Variants in DISP3 observed in about 807,000 individuals in gnomAD.
DISP3 encodes the protein protein dispatched homolog 3.
In DISP3, 101 loss-of-function variants were observed where a neutral mutation model predicts 135.3. The ratio of observed to expected loss-of-function variants is 0.75; its 90% CI spans 0.64 to 0.88. DISP3 has a LOEUF of 0.88. Among genes scored for constraint, DISP3 ranks in the 40% least tolerant of loss-of-function variants. The probability of loss-of-function intolerance (pLI) is 0.00; values close to 1 mark genes in which losing one functional copy is unlikely to be tolerated. For missense variants in DISP3, 1,713 were observed against 1,878.6 expected (o/e 0.91, Z 1.63); for synonymous variants, 856 against 817.0 (o/e 1.05, Z -0.81).
chr1:11,480,677 G>GCACACACACACACACACACACACA (rs70983561), intron 1 of DISP3, among the ~76,000 whole-genome samples: 1 of 142,632 alleles, frequency 7.0e-6, no homozygotes, highest in Non-Finnish European at 1.5e-5. Flanking sequence ...GCGCGCGCGT[G>GCACACACACACACACACACACACA]CACACACACA....
At chr1:11,517,982 G>A (rs1008764447) in intron 7 of DISP3, among the ~76,000 whole-genome samples, 2 of 152,196 alleles carry the variant, frequency 1.3e-5, no homozygotes, top group African/African-American at 4.8e-5. Flanking sequence ...TCTGCTTCCA[G>A]ATCCCATGCT....
At position 11,536,884 on chromosome 1, in the gene DISP3, C is replaced by A; in HGVS notation, c.*198C>A. 1 of 754,308 alleles carries A rather than the reference C, an allele frequency of 1.3e-6. No homozygotes were observed. The highest frequency in any genetic ancestry group is 2.0e-6 in the Non-Finnish European group (1 of 491,556). 46.7% of individuals were successfully genotyped at this position (754,308 alleles called of 1,614,324 possible). On this transcript the variant is annotated 3_prime_UTR_variant, in exon 21 of 21. Transcript: ENST00000294484. The surrounding 1 kb of genome is among the most constrained non-coding windows in gnomAD (Gnocchi z 4.3). ...GCTGGGAGTTGGAGACAGCCGCCAC[C>A]CCACAGGCCGGGCTACTGGCAGCCA...
At chr1:11,486,164 T>C (rs1045961385) in intron 1 of DISP3, among the ~76,000 whole-genome samples, 1 of 152,190 alleles carries the variant, frequency 6.6e-6, no homozygotes, top group Non-Finnish European at 1.5e-5. Flanking sequence ...TCCAGATGTT[T>C]CCCCCTTTTC....
At chr1:11,485,545 T>G (rs575888610) in intron 1 of DISP3, among the ~76,000 whole-genome samples, 1 of 152,128 alleles carries the variant, frequency 6.6e-6, no homozygotes, top group East Asian at 1.9e-4. Flanking sequence ...TTGTGGCAAA[T>G]TGGTGTTCCT....
intron 1 of DISP3, among the ~76,000 whole-genome samples, chr1:11,484,302 A>T (rs1210616261): frequency 6.6e-6 from 1 of 152,172 alleles, no homozygotes; most frequent in African/African-American, 2.4e-5. Context: ...AGGCAGGTGG[A>T]GCCCAGCAGA....
At position 11,534,488 on chromosome 1, in the gene DISP3, C is replaced by A; in HGVS notation, c.3483C>A (p.Arg1161=). 6.2e-7 allele frequency: 1 copy of A among 1,614,000 alleles called. No homozygotes were observed. Among genetic ancestry groups the A allele is most frequent in the South Asian group, 1.1e-5 (1 of 91,064 alleles). Residue 1161 remains arginine (R), a synonymous_variant, in exon 18 of 21, where the codon CGC becomes CGA. Coordinates refer to ENST00000294484, the MANE Select transcript of DISP3 (RefSeq NM_020780.2). The part of the protein sequence containing the change: ...LQALPEGSVL[R]RGFQTCEHWK... Reference sequence around the variant, plus strand: ...CCTTGCCCGAGGGCTCAGTCCTGCGCCGGGGCTTCCAGACCTGCGAGCACT... The same window carrying A: ...CCTTGCCCGAGGGCTCAGTCCTGCGACGGGGCTTCCAGACCTGCGAGCACT...
rs772265810 is a variant in DISP3 at position 11,524,035 on chromosome 1, G to A, written c.2456G>A (p.Arg819Gln). ...RRGSGVPWAS[R>Q]PEATLQDFPG... The stretch of plus-strand genomic sequence containing the variant: ...GGCTCAGGGGTCCCCTGGGCTAGCC[G>A]GCCTGAGGCCACCCTGCAGGGTGAG... The change falls in exon 11 of 21, where the codon CGG (arginine) becomes CAG (glutamine). Residue 819 changes from arginine (R) to glutamine (Q), a missense_variant. By Grantham distance (43) the Arg-to-Gln change is conservative. Coordinates refer to ENST00000294484, the MANE Select transcript of DISP3 (RefSeq NM_020780.2). 37 of 1,612,528 alleles carry A rather than the reference G, an allele frequency of 2.3e-5. No individual in the cohort carries two copies. Among genetic ancestry groups the A allele is most frequent in the South Asian group, 7.7e-5 (7 of 91,050 alleles).
chr1:11,522,737 G>A (rs1642260573), intron 10 of DISP3, among the ~76,000 whole-genome samples: 1 of 134,958 alleles, frequency 7.4e-6, no homozygotes, highest in African/African-American at 2.9e-5. Context: ...GGCCCAGCCA[G>A]GGCCCAGCCA....
Position 11,526,658 on chromosome 1 carries a change from G to C in DISP3, c.2621G>C (p.Arg874Thr), listed in dbSNP as rs764687325. The change falls in exon 13 of 21, where the codon AGA (arginine) becomes ACA (threonine). Residue 874 changes from arginine to threonine, a missense_variant. Transcript: ENST00000294484. The stretch of plus-strand genomic sequence containing the variant: ...TGTCAACCCACTGCTTAGGTGTATA[G>C]AGCGCCTTTTGGTAACTTCACCAAG... ...DGEVPSFQVY[R>T]APFGNFTKKL... 8 of 1,613,832 alleles carry C rather than the reference G, an allele frequency of 5.0e-6. No homozygotes were observed. Among genetic ancestry groups the C allele is most frequent in the Non-Finnish European group, 8.5e-7 (1 of 1,179,760 alleles).
chr1:11,486,250 T>C (rs1015266042), intron 1 of DISP3, among the ~76,000 whole-genome samples: 6 of 152,136 alleles, frequency 3.9e-5, no homozygotes, highest in Non-Finnish European at 7.3e-5. Flanking sequence ...TTGAAAAGTA[T>C]TTGTTGGTTT....
chr1:11,495,492 A>G (rs992345955), intron 1 of DISP3, among the ~76,000 whole-genome samples: 5 of 152,212 alleles, frequency 3.3e-5, no homozygotes, highest in Admixed American at 6.5e-5. Context: ...GGGGCTGCCA[A>G]AAACTGCCCC....
rs755515211 is a variant in DISP3 at position 11,501,718 on chromosome 1, C to A, written c.726C>A (p.Val242=). ...YQPSIPPHAA[V]AANQSRARRG... ...CCAGCATCCCGCCCCACGCGGCAGTCGCGGCCAATCAGAGCCGTGCCCGCC... is the reference window on the plus strand; with the variant it reads ...CCAGCATCCCGCCCCACGCGGCAGTAGCGGCCAATCAGAGCCGTGCCCGCC... Residue 242 remains valine, a synonymous_variant, in exon 2 of 21, where the codon GTC becomes GTA. Coordinates refer to ENST00000294484, the MANE Select transcript of DISP3 (RefSeq NM_020780.2). This position sits in a 1 kb window ranked among gnomAD's most constrained non-coding sequence, Gnocchi z 4.9. 6.3e-7 allele frequency: 1 copy of A among 1,597,654 alleles called. No homozygotes were observed. Among genetic ancestry groups the A allele is most frequent in the Non-Finnish European group, 8.5e-7 (1 of 1,172,102 alleles).
At chr1:11,498,954 C>T (rs1011804706) in intron 1 of DISP3, among the ~76,000 whole-genome samples, 5 of 152,198 alleles carry the variant, frequency 3.3e-5, no homozygotes, top group African/African-American at 1.2e-4. Flanking sequence ...TACACTGCCT[C>T]TCCCTCCCTT....
At chr1:11,484,724 T>C (rs1387065652) in intron 1 of DISP3, among the ~76,000 whole-genome samples, 1 of 152,166 alleles carries the variant, frequency 6.6e-6, no homozygotes, top group Non-Finnish European at 1.5e-5. Flanking sequence ...GGTTATGGTG[T>C]TTCTGTATAC....
Position 11,501,546 on chromosome 1 carries a change from C to T in DISP3, c.554C>T (p.Pro185Leu), listed in dbSNP as rs760741784. 1.9e-6 allele frequency: 3 copies of T among 1,590,984 alleles called. No homozygotes were observed. The highest frequency in any genetic ancestry group is 1.3e-5 in the African/African-American group (1 of 74,384). ...GCGGCCTCACTCGGTGGCCCAGGCCCTTACCGGGACACTTCCGCGGCTCAA... is the reference window on the plus strand; with the variant it reads ...GCGGCCTCACTCGGTGGCCCAGGCCTTTACCGGGACACTTCCGCGGCTCAA... Reference protein sequence around the residue: ...IPAASLGGPGPYRDTSAAQKP... With the variant: ...IPAASLGGPGLYRDTSAAQKP... Residue 185 changes from proline to leucine, a missense_variant, in exon 2 of 21, where the codon CCT (proline) becomes CTT (leucine). Transcript: ENST00000294484. This position sits in a 1 kb window ranked among gnomAD's most constrained non-coding sequence, Gnocchi z 4.9.
rs1374891233 is a variant in DISP3 at position 11,501,031 on chromosome 1, G to A, written c.39G>A (p.Trp13Ter). ...ATGACCCCTTGCTGCAGGATGTGTGGCTAGAGGAGGAGCAGGAGGAGGAAG... is the reference window on the plus strand; with the variant it reads ...ATGACCCCTTGCTGCAGGATGTGTGACTAGAGGAGGAGCAGGAGGAGGAAG... ...TEDDPLLQDVWLEEEQEEEEA... is the reference protein window; with the variant it reads ...TEDDPLLQDV The change falls in exon 2 of 21, where the codon TGG (tryptophan) becomes TGA (stop). Residue 13 changes from tryptophan (W) to a stop codon, truncating the protein, a stop_gained. Coordinates refer to ENST00000294484, the MANE Select transcript of DISP3 (RefSeq NM_020780.2). LOFTEE classifies it high-confidence loss of function. This position sits in a 1 kb window ranked among gnomAD's most constrained non-coding sequence, Gnocchi z 4.9. 6.2e-7 allele frequency: 1 copy of A among 1,613,992 alleles called. No homozygotes were observed. Among genetic ancestry groups the A allele is most frequent in the Non-Finnish European group, 8.5e-7 (1 of 1,180,008 alleles).
chr1:11,527,509 C>T (rs12743759), intron 13 of DISP3, among the ~76,000 whole-genome samples: 37,613 of 150,502 alleles, frequency 0.25, 5,064 homozygotes, highest in South Asian at 0.37. Context: ...GATCGCGCCT[C>T]TGCACTCCAG....
In DISP3 at chr1:11,531,580, C is replaced by T; in HGVS notation, c.3245C>T (p.Ser1082Phe). 1 of 1,613,564 alleles carries T rather than the reference C, an allele frequency of 6.2e-7. No homozygotes were observed. The highest frequency in any genetic ancestry group is 8.5e-7 in the Non-Finnish European group (1 of 1,179,978). The change falls in exon 17 of 21, where the codon TCC (serine) becomes TTC (phenylalanine). Residue 1082 changes from serine to phenylalanine, a missense_variant. Transcript: ENST00000294484. The surrounding 1 kb of genome is among the most constrained non-coding windows in gnomAD (Gnocchi z 5.2). ...CTCCCCGCAGGCTACAGCATCTCCT[C>T]CTTCCTGCAGATGTTGCACCCTGAG... ...QCLPSGYSIS[S>F]FLQMLHPECK...
rs1447760109 is a variant in DISP3, at chr1:11,525,326, G to C, written c.2613+14G>C. ...CCCTCCTTCCAGGTGAGCCTGGGCTGTCGTGAAGTGAGCCGCCACCACTGT... is the reference window on the plus strand; with the variant it reads ...CCCTCCTTCCAGGTGAGCCTGGGCTCTCGTGAAGTGAGCCGCCACCACTGT... On this transcript the variant is annotated intron_variant, in intron 12 of 20. Transcript: ENST00000294484. 6.2e-7 allele frequency: 1 copy of C among 1,606,844 alleles called. No homozygotes were observed. Among genetic ancestry groups the C allele is most frequent in the Non-Finnish European group, 8.5e-7 (1 of 1,174,678 alleles).
Sources: allele counts gnomAD v4.1 joint callset (sites outside exome capture counted in the v4.1 genomes callset), GRCh38; gene constraint gnomAD v4.1.1; non-coding constraint Gnocchi (gnomAD v3.1); transcripts MANE v1.5; gene names NCBI Gene and HGNC (gene_info 2026-07-23, HGNC 2026-07-21).